The following SYNE2 variants were observed in gnomAD, a reference collection of about 807,000 sequenced individuals.
SYNE2 encodes nesprin-2.
SYNE2 carries 431 observed loss-of-function variants against 856.3 expected under a neutral mutation model. The ratio of observed to expected loss-of-function variants is 0.50; its 90% CI spans 0.47 to 0.55. The LOEUF is 0.55. Among genes scored for constraint, SYNE2 ranks in the 20% least tolerant of loss-of-function variants. SYNE2 has a pLI of 0.00. For missense variants in SYNE2, 8,129 were observed against 8,023.2 expected (o/e 1.01, Z -0.50); for synonymous variants, 2,923 against 2,872.3 (o/e 1.02, Z -0.56).
At chr14:64,127,256 A>G (rs2097956217) in intron 73 of SYNE2, among the ~76,000 whole-genome samples, 1 of 151,514 alleles carries the variant, frequency 6.6e-6, no homozygotes, top group Non-Finnish European at 1.5e-5. Context: ...GCAAGACTCC[A>G]TCTCAAAAAA....
rs1423801252 is a variant in SYNE2 at position 64,007,077 on chromosome 14, G to C, written c.4432G>C (p.Asp1478His). ...ATTAATCAGACTGGATAAGGTTCTA[G>C]ATGAATATGAAGAAGAGAAGAGACA... The part of the protein sequence containing the change: ...KSLIRLDKVL[D>H]EYEEEKRHLQ... Residue 1478 changes from aspartate to histidine, a missense_variant, in exon 31 of 116, where the codon GAT becomes CAT. Physicochemically the swap from Asp to His is moderately conservative, Grantham distance 81 (BLOSUM62 -1). Around this residue, in one of 3 missense-constraint regions of SYNE2, gnomAD observed 2,422 missense variants for 2,357.4 expected, o/e 1.03. Transcript: ENST00000555002. 2 of 1,613,646 alleles carry C rather than the reference G, an allele frequency of 1.2e-6. No homozygotes were observed. Among genetic ancestry groups the C allele is most frequent in the African/African-American group, 2.7e-5 (2 of 74,900 alleles).
At chr14:64,203,961 C>G (rs1278387167) in intron 100 of SYNE2, among the ~76,000 whole-genome samples, 1 of 152,196 alleles carries the variant, frequency 6.6e-6, no homozygotes, top group Non-Finnish European at 1.5e-5. Context: ...AAGTGATCCT[C>G]CCACCCCAGC....
chr14:64,215,737 G>C (rs2098663389), intron 107 of SYNE2: 1 of 404,048 alleles, frequency 2.5e-6, no homozygotes, highest in Non-Finnish European at 4.5e-6. Flanking sequence ...GAAAGGGGTG[G>C]GGGGTTGGGG....
intron 32 of SYNE2, among the ~76,000 whole-genome samples, chr14:64,016,196 A>T (rs1336162169): frequency 6.6e-6 from 1 of 151,966 alleles, no homozygotes; most frequent in African/African-American, 2.4e-5. Flanking sequence ...TTTCACATGG[A>T]CAAGAAATAT....
At chr14:64,114,969 C>T (rs777023472) in intron 66 of SYNE2, among the ~76,000 whole-genome samples, 7 of 152,304 alleles carry the variant, frequency 4.6e-5, no homozygotes, top group Admixed American at 2.0e-4. Context: ...GGCACTGCCG[C>T]TTGGCCTGGC....
chr14:63,799,450 C>G (rs1218756761), intron 1 of SYNE2, among the ~76,000 whole-genome samples: 1 of 148,078 alleles, frequency 6.8e-6, no homozygotes, highest in East Asian at 2.0e-4. Flanking sequence ...AATCCCAGCA[C>G]TTTGGGAGGC....
intron 1 of SYNE2, among the ~76,000 whole-genome samples, chr14:63,779,081 A>G (rs1887214258): frequency 1.3e-5 from 2 of 151,968 alleles, no homozygotes; most frequent in Non-Finnish European, 2.9e-5. Context: ...GCACATTGGG[A>G]GGTTGAGGTG....
Position 63,996,946 on chromosome 14 carries a change from G to A in SYNE2, c.2941-1G>A. On this transcript the variant is annotated splice_acceptor_variant, in intron 23 of 115. Coordinates refer to ENST00000555002, the MANE Select transcript of SYNE2 (RefSeq NM_182914.3). LOFTEE classifies it high-confidence loss of function. Reference sequence around the variant, plus strand: ...ATTTCCTGCTTTATTTCTTCAATTAGGCCTGCTTTTCTGAGGAAGGCTGCC... The same window carrying A: ...ATTTCCTGCTTTATTTCTTCAATTAAGCCTGCTTTTCTGAGGAAGGCTGCC... 6.2e-7 allele frequency: 1 copy of A among 1,613,880 alleles called. No homozygotes were observed. Among genetic ancestry groups the A allele is most frequent in the Non-Finnish European group, 8.5e-7 (1 of 1,179,926 alleles).
At chr14:64,222,633 C>T (rs1022959064) in intron 112 of SYNE2, among the ~76,000 whole-genome samples, 23 of 152,044 alleles carry the variant, frequency 1.5e-4, no homozygotes, top group African/African-American at 4.8e-5. Flanking sequence ...GGCTGAGGCA[C>T]GAGAATCGCT....
At chr14:64,028,143 G>A (rs1156394091) in intron 43 of SYNE2, among the ~76,000 whole-genome samples, 3 of 151,954 alleles carry the variant, frequency 2.0e-5, no homozygotes, top group African/African-American at 7.3e-5. Flanking sequence ...GGGCTCAAGT[G>A]ATCCTCCCGC....
intron 1 of SYNE2, among the ~76,000 whole-genome samples, chr14:63,869,577 A>C (rs1356316507): frequency 7.1e-6 from 1 of 140,416 alleles, no homozygotes; most frequent in Non-Finnish European, 1.5e-5. Context: ...CAGAGGTTGC[A>C]GTGAGCTGAG....
intron 48 of SYNE2, among the ~76,000 whole-genome samples, chr14:64,054,610 G>A (rs571708026): frequency 6.6e-6 from 1 of 152,260 alleles, no homozygotes; most frequent in African/African-American, 2.4e-5. Flanking sequence ...ATACCCATTT[G>A]TTTTTGTATT....
At chr14:64,198,817 A>T (rs76304847) in intron 99 of SYNE2, among the ~76,000 whole-genome samples, 1 of 152,146 alleles carries the variant, frequency 6.6e-6, no homozygotes, top group Non-Finnish European at 1.5e-5. Flanking sequence ...TTAAAAATCT[A>T]ATTTGGCCAC....
chr14:63,971,969 A>G (rs2096482883), intron 11 of SYNE2, among the ~76,000 whole-genome samples: 1 of 152,204 alleles, frequency 6.6e-6, no homozygotes, highest in Admixed American at 6.5e-5. Flanking sequence ...TTCACAGGAA[A>G]AGTTTGCTGA....
chr14:64,073,546 C>A (rs761950117), intron 52 of SYNE2, among the ~76,000 whole-genome samples: 2 of 152,198 alleles, frequency 1.3e-5, no homozygotes, highest in Non-Finnish European at 2.9e-5. Context: ...ACTTCAGTGC[C>A]TCTTCTGATA....
At chr14:64,026,425 T>C (rs373548825) in intron 41 of SYNE2, among the ~76,000 whole-genome samples, 154 bp from the exon 42 acceptor site, 3 of 152,286 alleles carry the variant, frequency 2.0e-5, no homozygotes, top group East Asian at 3.9e-4. Flanking sequence ...AAGAGAGATA[T>C]CTTTGTCTTT....
At chr14:63,986,431 T>C (rs1465212954) in intron 18 of SYNE2, 25 bp from the exon 19 acceptor site, 2 of 1,613,502 alleles carry the variant, frequency 1.2e-6, no homozygotes, top group Admixed American at 3.3e-5. Flanking sequence ...TGACATTTTC[T>C]CAGTGGTACT....
chr14:63,897,231 C>T (rs908500298), intron 1 of SYNE2, among the ~76,000 whole-genome samples: 13 of 151,924 alleles, frequency 8.6e-5, no homozygotes, highest in African/African-American at 2.4e-4. Context: ...CCAGCCTGGG[C>T]GACAGAGTGA....
At chr14:63,843,426 T>A (rs1471158471) in intron 1 of SYNE2, among the ~76,000 whole-genome samples, 2 of 152,220 alleles carry the variant, frequency 1.3e-5, no homozygotes, top group African/African-American at 4.8e-5. Flanking sequence ...CTAGGTATAT[T>A]CTCATAATAT....
Sources: gnomAD v4.1 joint callset for allele counts (sites outside exome capture counted in the v4.1 genomes callset) on GRCh38, gnomAD v4.1.1 for gene constraint, gnomAD v4.1.1 regional missense constraint, MANE v1.5 for transcripts, NCBI Gene and HGNC (gene_info 2026-07-23, HGNC 2026-07-21) for gene names.